ZNF804A: variants seen among roughly 807,000 people sequenced by gnomAD.
ZNF804A encodes the protein zinc finger protein 804A.
Under a neutral mutation model 16.5 loss-of-function variants are expected in ZNF804A, and 2 were observed. The ratio of observed to expected loss-of-function variants is 0.12; its 90% CI spans 0.05 to 0.38. The LOEUF is 0.38. Ranked by LOEUF, ZNF804A falls within the 10% of genes least tolerant of loss-of-function variation. The pLI is 0.99. For missense variants in ZNF804A, 1,473 were observed against 1,390.7 expected, an observed-to-expected ratio of 1.06 and a Z score of -0.94; for synonymous variants, 534 against 489.6, an observed-to-expected ratio of 1.09 and a Z score of -1.20.
chr2:184,801,959 A>G (rs764010011), intron 1 of ZNF804A, among the ~76,000 whole-genome samples: 3 of 152,146 alleles, frequency 2.0e-5, no homozygotes, highest in Admixed American at 1.3e-4. Context: ...TGTGTTTAAC[A>G]TTGCTGTAGC....
chr2:184,608,441 A>T (rs1369422792), intron 1 of ZNF804A, among the ~76,000 whole-genome samples: 1 of 152,094 alleles, frequency 6.6e-6, no homozygotes, highest in Non-Finnish European at 1.5e-5. Context: ...GTAGGGCTGT[A>T]ATTGGTGGAA....
chr2:184,638,928 A>G (rs934857155), intron 1 of ZNF804A, among the ~76,000 whole-genome samples: 23 of 152,160 alleles, frequency 1.5e-4, no homozygotes, highest in African/African-American at 4.3e-4. Flanking sequence ...ATCATAGCAC[A>G]TAATTCCACT....
chr2:184,815,186 A>T (rs760415963), intron 1 of ZNF804A, among the ~76,000 whole-genome samples: 3 of 151,994 alleles, frequency 2.0e-5, no homozygotes, highest in Non-Finnish European at 4.4e-5. Context: ...AGAAATCCAC[A>T]TTATCCACAG....
chr2:184,704,162 T>TG (rs1692980455), intron 1 of ZNF804A, among the ~76,000 whole-genome samples: 1 of 151,754 alleles, frequency 6.6e-6, no homozygotes, highest in Admixed American at 6.6e-5. Flanking sequence ...AATCTTTTTT[T>TG]TTTTTTGACA....
chr2:184,923,524 G>A lies in ZNF804A; in HGVS notation c.256-10079G>A, dbSNP rs140386255. Among the ~76,000 whole-genome samples the A allele has an allele frequency of 8.0e-3, 1,211 of 151,874 alleles. 30 individuals are homozygous for A. The highest frequency in any genetic ancestry group is 0.051 in the Admixed American group (784 of 15,224). On this transcript the variant is annotated intron_variant, in intron 2 of 3. Coordinates refer to ENST00000302277, the MANE Select transcript of ZNF804A (RefSeq NM_194250.2). ...AACATGGCTTCTTCCTTTCCAATTTGGATGCCTTTTATTTCTTTCTCTTGT... is the reference window on the plus strand; with the variant it reads ...AACATGGCTTCTTCCTTTCCAATTTAGATGCCTTTTATTTCTTTCTCTTGT...
intron 1 of ZNF804A, among the ~76,000 whole-genome samples, chr2:184,740,676 T>C (rs1693697156): frequency 6.6e-6 from 1 of 152,186 alleles, no homozygotes; most frequent in Non-Finnish European, 1.5e-5. Flanking sequence ...ATTTAGTTAG[T>C]AAATTTAAAA....
At chr2:184,791,094 C>G (rs945750702) in intron 1 of ZNF804A, among the ~76,000 whole-genome samples, 1 of 152,124 alleles carries the variant, frequency 6.6e-6, no homozygotes, top group Non-Finnish European at 1.5e-5. Context: ...CTCTTGTGGA[C>G]AGCAGATGGT....
intron 1 of ZNF804A, among the ~76,000 whole-genome samples, chr2:184,601,895 A>T (rs940513307): frequency 2.0e-5 from 3 of 151,950 alleles, no homozygotes; most frequent in African/African-American, 7.2e-5. Flanking sequence ...TTTAGAAAAT[A>T]ATTTTATAAT....
chr2:184,712,000 G>A (rs1454137061), intron 1 of ZNF804A, among the ~76,000 whole-genome samples: 1 of 151,670 alleles, frequency 6.6e-6, no homozygotes, highest in Non-Finnish European at 1.5e-5. Flanking sequence ...TTTTCTGTAA[G>A]AAATGCATTA....
chr2:184,628,737 C>G (rs1691551421), intron 1 of ZNF804A, among the ~76,000 whole-genome samples: 1 of 151,990 alleles, frequency 6.6e-6, no homozygotes, highest in Non-Finnish European at 1.5e-5. Flanking sequence ...TACTGTGGTA[C>G]ATGCCCATGA....
At chr2:184,685,349 T>C (rs545800792) in intron 1 of ZNF804A, among the ~76,000 whole-genome samples, 1 of 152,002 alleles carries the variant, frequency 6.6e-6, no homozygotes, top group Non-Finnish European at 1.5e-5. Flanking sequence ...ATTCCCTATG[T>C]TTAGGCTCCC....
chr2:184,862,520 T>C (rs1695815966), intron 1 of ZNF804A, among the ~76,000 whole-genome samples: 1 of 152,166 alleles, frequency 6.6e-6, no homozygotes, highest in Admixed American at 6.5e-5. Context: ...CCATGCTATG[T>C]TTCCTTTAAT....
At chr2:184,639,381 C>G (rs955725275) in intron 1 of ZNF804A, among the ~76,000 whole-genome samples, 1 of 151,830 alleles carries the variant, frequency 6.6e-6, no homozygotes, top group Non-Finnish European at 1.5e-5. Context: ...GCCTAGGAAG[C>G]CCTTTTCAAA....
chr2:184,679,609 C>T (rs1692504245), intron 1 of ZNF804A, among the ~76,000 whole-genome samples: 1 of 152,192 alleles, frequency 6.6e-6, no homozygotes, highest in African/African-American at 2.4e-5. Context: ...CTTAGGCCTG[C>T]TCTGATTTCA....
chr2:184,884,131 A>C (rs1684852324), intron 2 of ZNF804A, among the ~76,000 whole-genome samples: 1 of 152,164 alleles, frequency 6.6e-6, no homozygotes, highest in African/African-American at 2.4e-5. Context: ...CTCAACATAC[A>C]AAAATCAATA....
intron 1 of ZNF804A, among the ~76,000 whole-genome samples, chr2:184,862,593 A>G (rs1027049674): frequency 6.6e-6 from 1 of 152,196 alleles, no homozygotes; most frequent in Non-Finnish European, 1.5e-5. Flanking sequence ...CAAAATGTTA[A>G]CAATAATTTT....
chr2:184,848,194 C>A lies in ZNF804A; in HGVS notation c.112-18175C>A, dbSNP rs192740563. ...CATCCTGAAGCTATTCAGGAGCACC[C>A]AGCCACCAATCATCTCATTAGCATA... On this transcript the variant is annotated intron_variant, in intron 1 of 3. Coordinates refer to ENST00000302277, the MANE Select transcript of ZNF804A (RefSeq NM_194250.2). Among the ~76,000 whole-genome samples, 140 of 152,126 alleles carry A rather than the reference C, an allele frequency of 9.2e-4. 1 individual carries two copies. The highest frequency in any genetic ancestry group is 1.6e-3 in the Non-Finnish European group (111 of 67,962).
intron 1 of ZNF804A, among the ~76,000 whole-genome samples, chr2:184,745,735 A>G (rs1369407909): frequency 6.6e-6 from 1 of 151,626 alleles, no homozygotes; most frequent in East Asian, 1.9e-4. Flanking sequence ...TGAAAAAAAA[A>G]AGATTACTTG....
intron 1 of ZNF804A, among the ~76,000 whole-genome samples, chr2:184,865,499 G>A (rs1163450818): frequency 2.0e-5 from 3 of 151,372 alleles, no homozygotes; most frequent in Admixed American, 6.6e-5. Flanking sequence ...AGAGCTTCAA[G>A]GAGGTGCTAG....
Sources: allele counts gnomAD v4.1 joint callset (sites outside exome capture counted in the v4.1 genomes callset), GRCh38; gene constraint gnomAD v4.1.1; transcripts MANE v1.5; gene names NCBI Gene and HGNC (gene_info 2026-07-23, HGNC 2026-07-21).